The following IGDCC3 variants were observed in gnomAD, a reference collection of about 807,000 sequenced individuals.
IGDCC3 encodes the protein putative neuronal cell adhesion molecule.
IGDCC3 carries 47 observed loss-of-function variants against 72.0 expected under a neutral mutation model. That is an observed-to-expected ratio of 0.65 (90% CI 0.52 to 0.83). IGDCC3 has a LOEUF of 0.83. Ranked by LOEUF, IGDCC3 falls within the 40% of genes least tolerant of loss-of-function variation. The probability of loss-of-function intolerance (pLI) is 0.00; values close to 1 mark genes in which losing one functional copy is unlikely to be tolerated. For missense variants in IGDCC3, 1,038 were observed against 1,091.3 expected, an observed-to-expected ratio of 0.95 and a Z score of 0.69; for synonymous variants, 477 against 472.8, an observed-to-expected ratio of 1.01 and a Z score of -0.11.
chr15:65,331,244 G>A (rs762628478), intron 8 of IGDCC3, 30 bp from the exon 9 acceptor site: 3 of 1,610,174 alleles, frequency 1.9e-6, no homozygotes, highest in South Asian at 1.1e-5. Flanking sequence ...GCAGGGGAGT[G>A]TGAAGGACTG....
chr15:65,337,616 G>A (rs2091042897), intron 2 of IGDCC3, among the ~76,000 whole-genome samples: 1 of 152,156 alleles, frequency 6.6e-6, no homozygotes, highest in Non-Finnish European at 1.5e-5. Flanking sequence ...GCCAAAGGCT[G>A]TGTTTGGCCA....
At chr15:65,370,604 G>GTATATATATGTATGTATA (rs1555432564) in intron 2 of IGDCC3, among the ~76,000 whole-genome samples, 1 of 105,742 alleles carries the variant, frequency 9.5e-6, no homozygotes, top group African/African-American at 3.5e-5. Flanking sequence ...ATATGTATGT[G>GTATATATATGTATGTATA]TATATATATG....
At position 65,368,586 on chromosome 15, in the gene IGDCC3, A is replaced by G. The variant is rs530183837; in HGVS notation, c.409+6511T>C. The stretch of plus-strand genomic sequence containing the variant: ...GCCCTCCCCCTACAGTTGGGGGCCA[A>G]TGAGCCTGGGGACATAGGCCTTGTC... On this transcript the variant is annotated intron_variant, in intron 2 of 13. Coordinates refer to ENST00000327987, the MANE Select transcript of IGDCC3 (RefSeq NM_004884.4). Among the ~76,000 whole-genome samples, 18 of 152,240 alleles carry G rather than the reference A, an allele frequency of 1.2e-4. No individual in the cohort carries two copies. The South Asian group carries it at 1.2e-3, about 11-fold the overall frequency.
rs779669712 is a variant in IGDCC3 at position 65,370,618 on chromosome 15, G to GTATATATATATATATATATATA, written c.409+4478_409+4479insTATATATATATATATATATATA. Among the ~76,000 whole-genome samples, 9 of 56,866 alleles carry GTATATATATATATATATATATA rather than the reference G, an allele frequency of 1.6e-4. 1 individual carries two copies. Among genetic ancestry groups the GTATATATATATATATATATATA allele is most frequent in the Non-Finnish European group, 2.9e-4 (8 of 28,006 alleles). The allele number at this position is 56,866 out of a possible 152,430, so 37.3% of individuals were successfully genotyped here. ...TATATGTATGTGTATATATATGTAT[G>GTATATATATATATATATATATA]TGTATATATATATATATATATATAT... On this transcript the variant is annotated intron_variant, in intron 2 of 13. Transcript: ENST00000327987.
chr15:65,335,249 G>A (rs1187969772), intron 4 of IGDCC3, 42 bp downstream of exon 4: 2 of 1,574,532 alleles, frequency 1.3e-6, no homozygotes, highest in African/African-American at 1.3e-5. Context: ...GGAGGAGGAG[G>A]CCAGGTGGGG....
chr15:65,377,559 C>T lies in IGDCC3; in HGVS notation c.103+127G>A. 2 of 984,544 alleles carry T rather than the reference C, an allele frequency of 2.0e-6. No individual in the cohort carries two copies. The highest frequency in any genetic ancestry group is 2.6e-6 in the Non-Finnish European group (2 of 760,354). The allele number at this position is 984,544 out of a possible 1,614,324, so 61.0% of individuals were successfully genotyped here. A position where few individuals can be genotyped will look rare whatever the true frequency, so the allele number is the denominator to read the frequency against. On this transcript the variant is annotated intron_variant, in intron 1 of 13. Transcript: ENST00000327987. The surrounding 1 kb of genome is among the most constrained non-coding windows in gnomAD (Gnocchi z 4.9). ...CCCCGTCCGGATCCGCAGGGTCCCC[C>T]CCGCGCGGGGTCCGCCCTCAGGTCC...
chr15:65,346,503 C>T (rs554047323), intron 2 of IGDCC3, among the ~76,000 whole-genome samples: 1 of 151,848 alleles, frequency 6.6e-6, no homozygotes, highest in South Asian at 2.1e-4. Context: ...GTCGCTCAGG[C>T]TGGAGTGCAA....
At position 65,358,708 on chromosome 15, in the gene IGDCC3, G is replaced by C. The variant is rs1438707760; in HGVS notation, c.409+16389C>G. Among the ~76,000 whole-genome samples the C allele has an allele frequency of 5.9e-5, 9 of 152,086 alleles. No individual in the cohort carries two copies. The East Asian group carries it at 1.6e-3, about 26-fold the overall frequency. On this transcript the variant is annotated intron_variant, in intron 2 of 13. Transcript: ENST00000327987. ...AATTTTTGAGACATGGTCTCTCTCT[G>C]TCACCCAGGCTGGAGTGCACTGGTT...
At chr15:65,341,368 C>T (rs549876149) in intron 2 of IGDCC3, among the ~76,000 whole-genome samples, 1 of 152,324 alleles carries the variant, frequency 6.6e-6, no homozygotes, top group Non-Finnish European at 1.5e-5. Context: ...CCAGCAATCC[C>T]ACTTCTGGGT....
Position 65,348,007 on chromosome 15 carries a change from C to T in IGDCC3, c.410-12051G>A, listed in dbSNP as rs373161019. Reference sequence around the variant, plus strand: ...AAAAAACAGGTTGCAGTAAAGGAGCCGGCCCAAGCCCACTAAAACCAAAAT... The same window carrying T: ...AAAAAACAGGTTGCAGTAAAGGAGCTGGCCCAAGCCCACTAAAACCAAAAT... On this transcript the variant is annotated intron_variant, in intron 2 of 13. Coordinates refer to ENST00000327987, the MANE Select transcript of IGDCC3 (RefSeq NM_004884.4). Among the ~76,000 whole-genome samples, 3 of 152,196 alleles carry T rather than the reference C, an allele frequency of 2.0e-5. No individual in the cohort carries two copies. In the South Asian group the frequency reaches 6.2e-4, roughly 32 times the overall value.
intron 2 of IGDCC3, among the ~76,000 whole-genome samples, chr15:65,368,744 C>G (rs989301441): frequency 1.3e-5 from 2 of 152,118 alleles, no homozygotes; most frequent in East Asian, 1.9e-4. Context: ...GATAAACACG[C>G]GGCAGCAGCA....
intron 2 of IGDCC3, among the ~76,000 whole-genome samples, chr15:65,359,598 C>G (rs1273262583): frequency 6.6e-6 from 1 of 152,212 alleles, no homozygotes; most frequent in South Asian, 2.1e-4. Flanking sequence ...GTGACTTAGC[C>G]TTTTCTCCAT....
At chr15:65,366,543 G>A (rs1290366715) in intron 2 of IGDCC3, among the ~76,000 whole-genome samples, 1 of 152,198 alleles carries the variant, frequency 6.6e-6, no homozygotes, top group East Asian at 1.9e-4. Flanking sequence ...GGGGGCAGCA[G>A]GGGGTGGGGA....
chr15:65,355,655 G>GGGCCCCCCC, intron 2 of IGDCC3: 1 of 257,662 alleles, frequency 3.9e-6, no homozygotes, highest in Non-Finnish European at 8.1e-6. Context: ...CGACGCGGGC[G>GGGCCCCCCC]TCCCGCCCCC....
intron 2 of IGDCC3, among the ~76,000 whole-genome samples, chr15:65,367,763 TG>T (rs1260913596): frequency 6.6e-6 from 1 of 152,232 alleles, no homozygotes; most frequent in Non-Finnish European, 1.5e-5. Flanking sequence ...AGGCTGGGTC[TG>T]TCCGCTCCAG....
At chr15:65,356,864 T>TTTTTTTTTTTTTC (rs1158623401) in intron 2 of IGDCC3, among the ~76,000 whole-genome samples, 1 of 143,798 alleles carries the variant, frequency 7.0e-6, no homozygotes, top group African/African-American at 2.6e-5. Context: ...TTTTTTTTTT[T>TTTTTTTTTTTTTC]TTTGAGATGG....
At chr15:65,330,093 A>G (rs1182981598) in intron 11 of IGDCC3, among the ~76,000 whole-genome samples, 200 bp downstream of exon 11, 1 of 152,202 alleles carries the variant, frequency 6.6e-6, no homozygotes, top group Non-Finnish European at 1.5e-5. Flanking sequence ...TAAAGTAGGT[A>G]CTATTATCCC....
chr15:65,329,492 C>T lies in IGDCC3; in HGVS notation c.2103G>A (p.Gln701=). 2 of 1,608,540 alleles carry T rather than the reference C, an allele frequency of 1.2e-6. No homozygotes were observed. The highest frequency in any genetic ancestry group is 8.5e-7 in the Non-Finnish European group (1 of 1,178,436). ...TCTCGTCTCGGCCCAGCTGGCCCCGCTGTCCCCGTCTCGCCCCATTTAGGG... is the reference window on the plus strand; with the variant it reads ...TCTCGTCTCGGCCCAGCTGGCCCCGTTGTCCCCGTCTCGCCCCATTTAGGG... ...ILALNGARRG[Q]RGQLGRDEKR... is the part of the protein sequence containing the mutation. The change falls in exon 13 of 14, where the codon CAG becomes CAA. Residue 701 remains glutamine (Q), a synonymous_variant. Transcript: ENST00000327987. The surrounding 1 kb of genome is among the most constrained non-coding windows in gnomAD (Gnocchi z 4.1).
rs376201805 is a variant in IGDCC3 at position 65,347,967 on chromosome 15, A to C, written c.410-12011T>G. On this transcript the variant is annotated intron_variant, in intron 2 of 13. Coordinates refer to ENST00000327987, the MANE Select transcript of IGDCC3 (RefSeq NM_004884.4). ...ACAACAACAACAACAACAACAACAAAACAAACAAACAAACAAAAAACAGGT... is the reference window on the plus strand; with the variant it reads ...ACAACAACAACAACAACAACAACAACACAAACAAACAAACAAAAAACAGGT... 2.6e-4 allele frequency among the ~76,000 whole-genome samples: 32 copies of C among 125,178 alleles called. 1 individual carries two copies. In the East Asian group the frequency reaches 3.3e-3, roughly 13 times the overall value. 82.1% of individuals were successfully genotyped at this position (125,178 alleles called of 152,430 possible). A position where few individuals can be genotyped will look rare whatever the true frequency, so the allele number is the denominator to read the frequency against.
Sources: allele counts gnomAD v4.1 joint callset (sites outside exome capture counted in the v4.1 genomes callset), GRCh38; gene constraint gnomAD v4.1.1; non-coding constraint Gnocchi (gnomAD v3.1); transcripts MANE v1.5; gene names NCBI Gene and HGNC (gene_info 2026-07-23, HGNC 2026-07-21).